Variants in TAFA2 observed in about 807,000 individuals in gnomAD.
The protein encoded by TAFA2 is chemokine-like protein TAFA-2.
In TAFA2, 7 loss-of-function variants were observed where a neutral mutation model predicts 18.8. The observed-to-expected ratio is 0.37, with a 90% CI of 0.21 to 0.70. The LOEUF (loss-of-function observed/expected upper bound fraction) is 0.70, where lower values mean the gene tolerates loss of function less well. TAFA2 is among the 30% of genes least tolerant of loss of function. The probability of loss-of-function intolerance (pLI) is 0.53; values close to 1 mark genes in which losing one functional copy is unlikely to be tolerated. For synonymous variants in TAFA2, 60 were observed against 54.2 expected (o/e 1.11, Z -0.47); for missense variants, 122 against 158.1 (o/e 0.77, Z 1.23).
intron 1 of TAFA2, among the ~76,000 whole-genome samples, chr12:62,024,135 T>C (rs536224242): frequency 1.1e-4 from 17 of 152,274 alleles, no homozygotes; most frequent in Non-Finnish European, 1.5e-4. Flanking sequence ...CTTTCCCCTC[T>C]CATCCCAACA....
intron 2 of TAFA2, among the ~76,000 whole-genome samples, chr12:61,803,912 A>G (rs958624683): frequency 9.9e-5 from 15 of 151,982 alleles, no homozygotes; most frequent in Non-Finnish European, 4.4e-5. Flanking sequence ...CAATAGCTAT[A>G]ATTTATATAT....
chr12:62,103,665 C>T (rs1472354393), intron 1 of TAFA2, among the ~76,000 whole-genome samples: 3 of 151,348 alleles, frequency 2.0e-5, no homozygotes, highest in African/African-American at 7.3e-5. Context: ...CGCTTGAACC[C>T]GGGAGGCGGA....
intron 2 of TAFA2, among the ~76,000 whole-genome samples, chr12:61,812,189 T>C (rs1871899384): frequency 6.6e-6 from 1 of 151,358 alleles, no homozygotes; most frequent in African/African-American, 2.5e-5. Context: ...AAACAAAGCT[T>C]ACTCTTACAA....
At position 61,896,009 on chromosome 12, in the gene TAFA2, T is replaced by C. The variant is rs548217091; in HGVS notation, c.-1-28583A>G. On this transcript the variant is annotated intron_variant, in intron 1 of 4. Transcript: ENST00000416284. ...AACTACAAATCCATCAAGCAATTAGTGAGAGAGAAGACAGAGGAGAATGAG... is the reference window on the plus strand; with the variant it reads ...AACTACAAATCCATCAAGCAATTAGCGAGAGAGAAGACAGAGGAGAATGAG... 1.1e-4 allele frequency among the ~76,000 whole-genome samples: 17 copies of C among 150,888 alleles called. No homozygotes were observed. In the South Asian group the frequency reaches 3.6e-3, roughly 32 times the overall value.
At chr12:62,011,324 AAAAG>A (rs1421266884) in intron 1 of TAFA2, among the ~76,000 whole-genome samples, 2 of 152,030 alleles carry the variant, frequency 1.3e-5, no homozygotes, top group Admixed American at 1.3e-4. Flanking sequence ...AAATGTGGGG[AAAAG>A]AAAGAGAGAT....
At chr12:62,077,517 G>A (rs1206890843) in intron 1 of TAFA2, among the ~76,000 whole-genome samples, 1 of 152,134 alleles carries the variant, frequency 6.6e-6, no homozygotes, top group African/African-American at 2.4e-5. Flanking sequence ...CATCAAGTGT[G>A]GCCAATTTCG....
chr12:62,158,644 C>T (rs139194097), intron 1 of TAFA2, among the ~76,000 whole-genome samples: 1 of 152,332 alleles, frequency 6.6e-6, no homozygotes, highest in East Asian at 1.9e-4. Context: ...CAAGTTCCTT[C>T]CTACCCAGCC....
At chr12:62,155,758 T>C (rs1353775918) in intron 1 of TAFA2, among the ~76,000 whole-genome samples, 1 of 152,162 alleles carries the variant, frequency 6.6e-6, no homozygotes, top group African/African-American at 2.4e-5. Flanking sequence ...AGAATGAAAC[T>C]GGATCTTCAT....
intron 2 of TAFA2, among the ~76,000 whole-genome samples, chr12:61,756,173 C>G (rs547323737): frequency 6.1e-4 from 93 of 152,158 alleles, no homozygotes; most frequent in Admixed American, 9.2e-4. Flanking sequence ...CAGAGCAAAT[C>G]ACACATATTT....
chr12:61,750,105 CT>C lies in TAFA2; in HGVS notation c.384+3516del, dbSNP rs201949182. ...ACAAGCTCTGCAGCATCTTTCCCCC[CT>C]GTTACTTTTGTGTTGTATAATTAGC... On this transcript the variant is annotated intron_variant, in intron 4 of 4. Transcript: ENST00000416284. 9.7e-4 allele frequency among the ~76,000 whole-genome samples: 147 copies of C among 152,084 alleles called. 3 individuals are homozygous for C. In the East Asian group the frequency reaches 0.024, roughly 25 times the overall value.
intron 2 of TAFA2, among the ~76,000 whole-genome samples, chr12:61,787,593 C>A (rs998866203): frequency 4.9e-4 from 75 of 151,658 alleles, no homozygotes; most frequent in Admixed American, 4.8e-3. Context: ...GTCTAGAGTA[C>A]TTTTCTGTGA....
At chr12:62,242,509 A>T (rs959219137) in intron 1 of TAFA2, 1 of 154,130 alleles carries the variant, frequency 6.5e-6, no homozygotes, top group African/African-American at 2.4e-5. Flanking sequence ...TTGTTTTGAG[A>T]TGAGGAGGTC....
At chr12:62,037,601 C>G (rs1210607086) in intron 1 of TAFA2, among the ~76,000 whole-genome samples, 1 of 152,170 alleles carries the variant, frequency 6.6e-6, no homozygotes, top group Admixed American at 6.5e-5. Context: ...ATGCCCACGA[C>G]CCACTACAGA....
At chr12:61,804,175 A>G (rs1310731350) in intron 2 of TAFA2, among the ~76,000 whole-genome samples, 3 of 151,912 alleles carry the variant, frequency 2.0e-5, no homozygotes, top group Non-Finnish European at 1.5e-5. Flanking sequence ...CAATAATATA[A>G]TGGCTTCCTA....
At chr12:62,041,624 C>T (rs1410489398) in intron 1 of TAFA2, among the ~76,000 whole-genome samples, 1 of 152,098 alleles carries the variant, frequency 6.6e-6, no homozygotes, top group East Asian at 1.9e-4. Flanking sequence ...AACTGGTCAT[C>T]TAGCTAAAGG....
chr12:61,738,290 A>AC (rs1868339838), intron 4 of TAFA2, among the ~76,000 whole-genome samples: 2 of 124,622 alleles, frequency 1.6e-5, no homozygotes, highest in Non-Finnish European at 3.5e-5. Context: ...TGAAAATGAA[A>AC]ACACACACAC....
At chr12:61,955,618 AAAAAAAAAAAAAAAATATATATATATAT>A (rs1247167378) in intron 1 of TAFA2, among the ~76,000 whole-genome samples, 3 of 28,138 alleles carry the variant, frequency 1.1e-4, no homozygotes, top group African/African-American at 3.2e-4. Context: ...AAAAAAAAAA[AAAAAAAAAAAAAAAATATATATATATAT>A]ATATATATAT....
intron 2 of TAFA2, among the ~76,000 whole-genome samples, chr12:61,804,853 C>A (rs374135946): frequency 1.3e-5 from 2 of 152,094 alleles, no homozygotes; most frequent in South Asian, 2.1e-4. Context: ...AACATACACA[C>A]CTCATAATCA....
chr12:62,085,030 T>C (rs1868395017), intron 1 of TAFA2, among the ~76,000 whole-genome samples: 1 of 152,106 alleles, frequency 6.6e-6, no homozygotes, highest in African/African-American at 2.4e-5. Flanking sequence ...TGTTCATAAC[T>C]CAGTGTTTTC....
Sources: gnomAD v4.1 joint callset for allele counts (sites outside exome capture counted in the v4.1 genomes callset) on GRCh38, gnomAD v4.1.1 for gene constraint, MANE v1.5 for transcripts, NCBI Gene and HGNC (gene_info 2026-07-23, HGNC 2026-07-21) for gene names.